Variants in NUP160 observed in about 807,000 individuals in gnomAD.
The protein encoded by NUP160 is nuclear pore complex protein Nup160.
In NUP160, 94 loss-of-function variants were observed where a neutral mutation model predicts 196.9. The ratio of observed to expected loss-of-function variants is 0.48; its 90% CI spans 0.40 to 0.57. NUP160 has a LOEUF of 0.57. Ranked by LOEUF, NUP160 falls within the 20% of genes least tolerant of loss-of-function variation. The probability of loss-of-function intolerance (pLI) is 0.00; values close to 1 mark genes in which losing one functional copy is unlikely to be tolerated. For synonymous variants in NUP160, 605 were observed against 619.7 expected, an observed-to-expected ratio of 0.98 and a Z score of 0.35; for missense variants, 1,638 against 1,748.3, an observed-to-expected ratio of 0.94 and a Z score of 1.13.
At chr11:47,788,374 T>G (rs1232928891) in intron 30 of NUP160, 69 bp from the exon 31 acceptor site, 1 of 1,594,914 alleles carries the variant, frequency 6.3e-7, no homozygotes, top group East Asian at 2.2e-5. Context: ...GATTTTGTTT[T>G]GTTGATGAGT....
intron 29 of NUP160, among the ~76,000 whole-genome samples, chr11:47,791,112 G>T (rs1037162993): frequency 2.6e-5 from 4 of 152,004 alleles, no homozygotes; most frequent in African/African-American, 9.7e-5. Context: ...CAAGGTTTTT[G>T]TACCTACTGG....
At position 47,824,523 on chromosome 11, in the gene NUP160, T is replaced by C. The variant is rs927106411; in HGVS notation, c.1102-2359A>G. ...TATTCGAGAGGCTGAGGTAGGAGAA[T>C]GGTGTGAACCCGGGAGGCGGAGCTT... On this transcript the variant is annotated intron_variant, in intron 7 of 35. Coordinates refer to ENST00000378460, the Ensembl canonical transcript of NUP160. Among the ~76,000 whole-genome samples, 7 of 151,792 alleles carry C rather than the reference T, an allele frequency of 4.6e-5. No homozygotes were observed. In the South Asian group the frequency reaches 1.5e-3, roughly 32 times the overall value.
chr11:47,784,789 CT>C (rs1245378965), intron 33 of NUP160, 132 bp downstream of exon 33: 4 of 584,584 alleles, frequency 6.8e-6, no homozygotes, highest in Non-Finnish European at 1.1e-5. Flanking sequence ...CCATCCTCCC[CT>C]GTTGGCCTAC....
At chr11:47,804,860 G>T (rs2097676541) in intron 20 of NUP160, among the ~76,000 whole-genome samples, 1 of 152,128 alleles carries the variant, frequency 6.6e-6, no homozygotes, top group South Asian at 2.1e-4. Flanking sequence ...TATTTCACCA[G>T]GCACGGTGGC....
At chr11:47,840,495 A>G in exon 3 of NUP160, 1 of 1,614,068 alleles carries the variant, frequency 6.2e-7, no homozygotes, top group South Asian at 1.1e-5. Flanking sequence ...CAGGTAAAAC[A>G]CTGCAATTTT....
chr11:47,797,247 T>C (rs1248813058), intron 27 of NUP160, among the ~76,000 whole-genome samples: 1 of 152,206 alleles, frequency 6.6e-6, no homozygotes, highest in African/African-American at 2.4e-5. Context: ...TTTATTTATT[T>C]ATGAGACGGA....
At chr11:47,841,629 C>T (rs565809658) in intron 2 of NUP160, 7 of 417,012 alleles carry the variant, frequency 1.7e-5, no homozygotes, top group African/African-American at 1.1e-4. Context: ...GATCCTGGAA[C>T]GTGCTCTAGT....
intron 22 of NUP160, among the ~76,000 whole-genome samples, chr11:47,803,169 T>TAATAATAATAATAATAATA (rs2097675329): frequency 6.7e-6 from 1 of 148,272 alleles, no homozygotes; most frequent in Non-Finnish European, 1.5e-5. Flanking sequence ...ATAATAATAA[T>TAATAATAATAATAATAATA]AATAATAATA....
At chr11:47,813,223 G>C (rs1243230152) in intron 14 of NUP160, 93 bp downstream of exon 14, 3 of 1,070,220 alleles carry the variant, frequency 2.8e-6, no homozygotes, top group Non-Finnish European at 4.2e-6. Flanking sequence ...ACCAAGACAG[G>C]TGTGGCAATC....
In NUP160 at chr11:47,815,550, G is replaced by A. The variant is rs1012457383; in HGVS notation, c.1615C>T (p.Gln539Ter). Residue 539 changes from glutamine (Q) to a stop codon, truncating the protein, a stop_gained, in exon 13 of 36, where the codon CAA (glutamine) becomes TAA (stop). Transcript: ENST00000378460. LOFTEE classifies it high-confidence loss of function. ...GCAAGAGGGTGAGAGAGGGCTTCTT[G>A]ATACTGAAGACAACAGGCATAGAAC... 6.2e-7 allele frequency: 1 copy of A among 1,612,884 alleles called. No homozygotes were observed. The highest frequency in any genetic ancestry group is 8.5e-7 in the Non-Finnish European group (1 of 1,179,676).
rs969857125 is a variant in NUP160 at position 47,809,574 on chromosome 11, C to T, written c.2242-1045G>A. Reference sequence around the variant, plus strand: ...GACCAGTCTGGCCAATATGGCGAAACCCCATCTCTATTAAAAATATAAAAA... The same window carrying T: ...GACCAGTCTGGCCAATATGGCGAAATCCCATCTCTATTAAAAATATAAAAA... On this transcript the variant is annotated intron_variant, in intron 17 of 35. Coordinates refer to ENST00000378460, the Ensembl canonical transcript of NUP160. 2.6e-5 allele frequency among the ~76,000 whole-genome samples: 4 copies of T among 151,842 alleles called. 1 individual carries two copies. The South Asian group carries it at 8.3e-4, about 32-fold the overall frequency.
At chr11:47,783,276 G>A in intron 33 of NUP160, 78 bp from the exon 34 acceptor site, 2 of 1,506,434 alleles carry the variant, frequency 1.3e-6, no homozygotes, top group Non-Finnish European at 1.8e-6. Flanking sequence ...TTGAGTGGCT[G>A]ATTCCCTAAC....
chr11:47,840,700 A>G, intron 2 of NUP160, 112 bp from the exon 3 acceptor site: 1 of 798,066 alleles, frequency 1.3e-6, no homozygotes. Flanking sequence ...AAAATTTTGG[A>G]TAAACAGATT....
At chr11:47,846,950 T>C (rs1852412055) in intron 2 of NUP160, among the ~76,000 whole-genome samples, 1 of 152,146 alleles carries the variant, frequency 6.6e-6, no homozygotes, top group South Asian at 2.1e-4. Flanking sequence ...ACTGTTCCCA[T>C]CCAAAAATGC....
intron 7 of NUP160, among the ~76,000 whole-genome samples, chr11:47,831,894 C>CTTTTTTTTTT (rs554204043): frequency 1.4e-5 from 1 of 69,982 alleles, no homozygotes; most frequent in African/African-American, 6.2e-5. Flanking sequence ...TAATAAATTC[C>CTTTTTTTTTT]TTTTTTTTTT....
rs1320141632 is a variant in NUP160, at chr11:47,782,302, AAATATATATATATATATATATATATAT to A, written c.4116+744_4116+770del. The stretch of plus-strand genomic sequence containing the variant: ...GCAAAACTCAGTTAAAAAAAAAAAA[AAATATATATATATATATATATATATAT>A]ATATATATATATATATATATATATA... On this transcript the variant is annotated intron_variant, in intron 34 of 35. Transcript: ENST00000378460. Among the ~76,000 whole-genome samples the A allele has an allele frequency of 7.5e-4, 32 of 42,602 alleles. 5 individuals carry two copies. The highest frequency in any genetic ancestry group is 3.6e-3 in the South Asian group (3 of 832). 27.9% of individuals were successfully genotyped at this position (42,602 alleles called of 152,430 possible). A position where few individuals can be genotyped will look rare whatever the true frequency, so the allele number is the denominator to read the frequency against.
In NUP160 at chr11:47,792,805, T is replaced by C. The variant is rs781610502; in HGVS notation, c.3431A>G (p.Gln1144Arg). 82 of 1,613,440 alleles carry C rather than the reference T, an allele frequency of 5.1e-5. No homozygotes were observed. The highest frequency in any genetic ancestry group is 6.7e-5 in the Non-Finnish European group (79 of 1,179,834). ...TCATACCACTGCACCAGACACTGGCTGCACAATCCACGCATATTCTGGACG... is the reference window on the plus strand; with the variant it reads ...TCATACCACTGCACCAGACACTGGCCGCACAATCCACGCATATTCTGGACG... The change falls in exon 28 of 36, where the codon CAG (glutamine) becomes CGG (arginine). Residue 1144 changes from glutamine to arginine, a missense_variant. Gln to Arg is a conservative substitution (Grantham distance 43). This residue lies in a region of NUP160 where 1,345 missense variants were observed against 1,470.2 expected (regional missense o/e 0.91). Coordinates refer to ENST00000378460, the Ensembl canonical transcript of NUP160.
At chr11:47,847,447 T>C (rs371038903) in intron 2 of NUP160, among the ~76,000 whole-genome samples, 47 of 152,204 alleles carry the variant, frequency 3.1e-4, no homozygotes, top group African/African-American at 9.6e-5. Flanking sequence ...ATGATGAAAA[T>C]TGCAGTTTTG....
At chr11:47,780,540 CTTTTTTTT>C (rs72169400) in intron 34 of NUP160, 93 bp from the exon 35 acceptor site, 1 of 424,524 alleles carries the variant, frequency 2.4e-6, no homozygotes, top group African/African-American at 2.6e-5. Flanking sequence ...ATAAAATACC[CTTTTTTTT>C]TTTTTTTTTG....
Sources: gnomAD v4.1 joint callset for allele counts (sites outside exome capture counted in the v4.1 genomes callset) on GRCh38, gnomAD v4.1.1 for gene constraint, gnomAD v4.1.1 regional missense constraint, MANE v1.5 for transcripts, NCBI Gene and HGNC (gene_info 2026-07-23, HGNC 2026-07-21) for gene names.